The following TIAM1 variants were observed in gnomAD, a reference collection of about 807,000 sequenced individuals.
TIAM1 encodes the protein TIAM Rac1 associated GEF 1.
A neutral mutation model predicts 163.5 loss-of-function variants in TIAM1; 65 were observed. That is an observed-to-expected ratio of 0.40 (90% confidence interval 0.33 to 0.49). TIAM1 has a LOEUF of 0.49. Among genes scored for constraint, TIAM1 ranks in the 20% least tolerant of loss-of-function variants. The probability of loss-of-function intolerance (pLI) is 0.77; values close to 1 mark genes in which losing one functional copy is unlikely to be tolerated. For missense variants in TIAM1, 1,789 were observed against 2,044.7 expected (o/e 0.87, Z 2.41); for synonymous variants, 833 against 810.1 (o/e 1.03, Z -0.48).
At chr21:31,352,929 C>T (rs2076258516) in intron 2 of TIAM1, among the ~76,000 whole-genome samples, 1 of 151,316 alleles carries the variant, frequency 6.6e-6, no homozygotes, top group African/African-American at 2.4e-5. Flanking sequence ...ACTTTACACA[C>T]ATTAACCAAG....
intron 2 of TIAM1, among the ~76,000 whole-genome samples, chr21:31,407,629 ATTTTTT>A (rs562921160): frequency 2.4e-4 from 23 of 94,076 alleles, no homozygotes; most frequent in African/African-American, 5.4e-4. Context: ...TTTGCTCTTA[ATTTTTT>A]TTTTTTTTTT....
chr21:31,431,628 G>C (rs569601480), intron 2 of TIAM1, among the ~76,000 whole-genome samples: 132 of 152,250 alleles, frequency 8.7e-4, no homozygotes, highest in Middle Eastern at 3.4e-3. Flanking sequence ...CTTAACAACA[G>C]ATACATGTTC....
At chr21:31,362,927 T>C (rs769619891) in intron 2 of TIAM1, among the ~76,000 whole-genome samples, 9 of 152,100 alleles carry the variant, frequency 5.9e-5, no homozygotes, top group African/African-American at 1.2e-4. Context: ...TTTTTTTGCA[T>C]AGGATTGGTG....
chr21:31,496,587 C>T (rs1470746046), intron 1 of TIAM1, among the ~76,000 whole-genome samples: 32 of 151,534 alleles, frequency 2.1e-4, no homozygotes, highest in Non-Finnish European at 1.6e-4. Context: ...TAAAAAGCTA[C>T]AGTAAGCTAC....
At chr21:31,215,517 C>A (rs887931153) in intron 9 of TIAM1, among the ~76,000 whole-genome samples, 2 of 144,436 alleles carry the variant, frequency 1.4e-5, no homozygotes, top group Non-Finnish European at 3.0e-5. Flanking sequence ...GCTGAGATCG[C>A]GCCATTGCAC....
intron 1 of TIAM1, among the ~76,000 whole-genome samples, chr21:31,542,329 A>G (rs942564246): frequency 6.6e-6 from 1 of 152,046 alleles, no homozygotes; most frequent in African/African-American, 2.4e-5. Flanking sequence ...GGGGAGGCTG[A>G]GGCAGGAGAA....
chr21:31,160,001 C>T (rs2083827749), intron 16 of TIAM1, among the ~76,000 whole-genome samples: 1 of 152,120 alleles, frequency 6.6e-6, no homozygotes, highest in Admixed American at 6.5e-5. Context: ...TAAAAGGAAA[C>T]AAGTTGAACA....
intron 27 of TIAM1, among the ~76,000 whole-genome samples, chr21:31,121,171 C>T (rs2081987554): frequency 6.6e-6 from 1 of 152,144 alleles, no homozygotes; most frequent in Non-Finnish European, 1.5e-5. Flanking sequence ...AGATGGGTAA[C>T]ACAGACAGCA....
At chr21:31,149,440 A>G (rs1309712686) in intron 19 of TIAM1, among the ~76,000 whole-genome samples, 2 of 152,128 alleles carry the variant, frequency 1.3e-5, no homozygotes, top group Non-Finnish European at 2.9e-5. Context: ...AGATTTTCAG[A>G]TTTGAGATGC....
chr21:31,142,206 G>A (rs8127726), intron 20 of TIAM1, among the ~76,000 whole-genome samples: 24,221 of 151,816 alleles, frequency 0.16, 2,970 homozygotes, highest in African/African-American at 0.35. Context: ...ATAATCATCC[G>A]TCCCCTGAGC....
chr21:31,430,239 T>C (rs1285368793), intron 2 of TIAM1, among the ~76,000 whole-genome samples: 2,706 of 132,552 alleles, frequency 0.02, 143 homozygotes, highest in African/African-American at 0.081. Flanking sequence ...TATATATATA[T>C]ATATATATAC....
At chr21:31,147,683 AATAT>A (rs1171889695) in intron 19 of TIAM1, among the ~76,000 whole-genome samples, 1 of 145,092 alleles carries the variant, frequency 6.9e-6, no homozygotes, top group African/African-American at 2.5e-5. Flanking sequence ...GATATATATA[AATAT>A]ATATTCTATA....
chr21:31,184,253 G>A (rs145630541), intron 14 of TIAM1, among the ~76,000 whole-genome samples: 3,125 of 151,838 alleles, frequency 0.021, 57 homozygotes, highest in African/African-American at 0.046. Flanking sequence ...TTATAGGTGC[G>A]CACCACCATG....
intron 2 of TIAM1, among the ~76,000 whole-genome samples, chr21:31,437,516 A>AAAAAAAAAAAAAAG (rs553022193): frequency 4.0e-5 from 6 of 150,892 alleles, no homozygotes; most frequent in African/African-American, 1.5e-4. Flanking sequence ...AAAAAAAAAA[A>AAAAAAAAAAAAAAG]GCAACTACAT....
chr21:31,161,247 C>T (rs542739471), intron 16 of TIAM1, among the ~76,000 whole-genome samples: 15 of 152,230 alleles, frequency 9.9e-5, no homozygotes, highest in Admixed American at 2.6e-4. Flanking sequence ...AGCTGCCAGG[C>T]GGCCTGGAAT....
chr21:31,553,353 TGAGGA>T (rs2048758589), intron 1 of TIAM1, among the ~76,000 whole-genome samples: 1 of 152,138 alleles, frequency 6.6e-6, no homozygotes, highest in South Asian at 2.1e-4. Flanking sequence ...CTGTGTCCTG[TGAGGA>T]GATGGAGATG....
intron 26 of TIAM1, among the ~76,000 whole-genome samples, chr21:31,126,356 C>G (rs1415741387): frequency 6.6e-6 from 1 of 152,056 alleles, no homozygotes; most frequent in Non-Finnish European, 1.5e-5. Flanking sequence ...ACCACGATGT[C>G]AGGAGATCGA....
chr21:31,514,940 C>T (rs2047332759), intron 1 of TIAM1, among the ~76,000 whole-genome samples: 1 of 152,228 alleles, frequency 6.6e-6, no homozygotes, highest in Non-Finnish European at 1.5e-5. Context: ...AAGATAGAGT[C>T]ACTTTATTTC....
intron 1 of TIAM1, among the ~76,000 whole-genome samples, chr21:31,535,380 CAAAAAAAAA>C (rs59742048): frequency 3.2e-3 from 176 of 54,298 alleles, no homozygotes; most frequent in African/African-American, 0.011. Context: ...GGCTCCATCT[CAAAAAAAAA>C]AAAAAAAAAA....
Sources: allele counts gnomAD v4.1 joint callset (sites outside exome capture counted in the v4.1 genomes callset), GRCh38; gene constraint gnomAD v4.1.1; transcripts MANE v1.5; gene names NCBI Gene and HGNC (gene_info 2026-07-23, HGNC 2026-07-21).